Variants in AKAP1 observed in about 807,000 individuals in gnomAD.
The protein encoded by AKAP1 is A-kinase anchor protein 1, mitochondrial.
Under a neutral mutation model 79.8 loss-of-function variants are expected in AKAP1, and 32 were observed. The observed-to-expected ratio is 0.40, with a 90% CI of 0.30 to 0.54. The LOEUF is 0.54. AKAP1 is among the 20% of genes least tolerant of loss of function. The probability of loss-of-function intolerance (pLI) is 0.47; values close to 1 mark genes in which losing one functional copy is unlikely to be tolerated. For synonymous variants in AKAP1, 416 were observed against 466.7 expected, an observed-to-expected ratio of 0.89 and a Z score of 1.40; for missense variants, 961 against 1,138.9, an observed-to-expected ratio of 0.84 and a Z score of 2.25.
intron 1 of AKAP1, chr17:57,095,605 G>A (rs766029289): frequency 2.0e-5 from 3 of 151,470 alleles, no homozygotes; most frequent in African/African-American, 7.3e-5. Context: ...TTGTTGAATA[G>A]AAATTACCTT....
intron 2 of AKAP1, among the ~76,000 whole-genome samples, chr17:57,108,691 C>T (rs964845499): frequency 6.6e-6 from 1 of 152,092 alleles, no homozygotes; most frequent in African/African-American, 2.4e-5. Flanking sequence ...TTCATGTCAG[C>T]CCTGCTTTGT....
intron 1 of AKAP1, among the ~76,000 whole-genome samples, chr17:57,100,286 A>G (rs1471497162): frequency 6.6e-6 from 1 of 152,176 alleles, no homozygotes; most frequent in Admixed American, 6.5e-5. Flanking sequence ...AGGAATCACA[A>G]TCTAAATTTA....
At chr17:57,110,749 G>A (rs1277295865) in intron 3 of AKAP1, among the ~76,000 whole-genome samples, 1 of 152,166 alleles carries the variant, frequency 6.6e-6, no homozygotes, top group Non-Finnish European at 1.5e-5. Flanking sequence ...TAATTTTCGT[G>A]TGTTATTCTT....
At chr17:57,090,020 C>T (rs767357851) in intron 1 of AKAP1, among the ~76,000 whole-genome samples, 1 of 152,230 alleles carries the variant, frequency 6.6e-6, no homozygotes, top group Non-Finnish European at 1.5e-5. Context: ...TGCGGCCCTT[C>T]TCTTAAACGA....
At chr17:57,117,431 C>CT (rs553982947) in intron 8 of AKAP1, among the ~76,000 whole-genome samples, 19 of 152,170 alleles carry the variant, frequency 1.2e-4, no homozygotes, top group Non-Finnish European at 2.4e-4. Context: ...TTGATGCTGG[C>CT]TGTGAGAATT....
intron 3 of AKAP1, 68 bp downstream of exon 3, chr17:57,110,226 A>C: frequency 6.3e-7 from 1 of 1,580,350 alleles, no homozygotes; most frequent in Non-Finnish European, 8.6e-7. Context: ...GGGCCATTAG[A>C]CCTCAGGGAG....
At chr17:57,096,064 G>A (rs1047399366) in intron 1 of AKAP1, 9 of 152,310 alleles carry the variant, frequency 5.9e-5, no homozygotes, top group East Asian at 1.9e-4. Flanking sequence ...TTTCCTTCAC[G>A]AAAAGAGGCA....
chr17:57,113,049 C>G (rs1372480832), intron 5 of AKAP1, among the ~76,000 whole-genome samples: 1 of 152,214 alleles, frequency 6.6e-6, no homozygotes, highest in East Asian at 1.9e-4. Flanking sequence ...AACAGTGGCC[C>G]TGGTGAAGGA....
chr17:57,116,106 T>C lies in AKAP1; in HGVS notation c.2282-5T>C. The C allele has an allele frequency of 6.2e-7, 1 of 1,611,960 alleles. No individual in the cohort carries two copies. Among genetic ancestry groups the C allele is most frequent in the African/African-American group, 1.3e-5 (1 of 75,054 alleles). On this transcript the variant is annotated splice_region_variant and splice_polypyrimidine_tract_variant and intron_variant, in intron 6 of 10. Coordinates refer to ENST00000337714, the MANE Select transcript of AKAP1 (RefSeq NM_003488.4). ...GTTCCACGCACTCTGCTCCCTACCC[T>C]GCAGTAACGGTCATCTGTGCCGCCC...
At position 57,107,164 on chromosome 17, in the gene AKAP1, C is replaced by T; in HGVS notation, c.1700C>T (p.Ala567Val). 2 of 1,605,276 alleles carry T rather than the reference C, an allele frequency of 1.2e-6. No homozygotes were observed. Among genetic ancestry groups the T allele is most frequent in the Non-Finnish European group, 8.5e-7 (1 of 1,173,748 alleles). Residue 567 changes from alanine to valine, a missense_variant, in exon 2 of 11, where the codon GCA becomes GTA. Coordinates refer to ENST00000337714, the MANE Select transcript of AKAP1 (RefSeq NM_003488.4). The part of the protein sequence containing the change: ...AEDGWTMDAE[A>V]DHSGGSDRNS... ...GATGGATGGACCATGGATGCGGAAGCAGATCATTCAGGAGGTAGGAGGGTC... is the reference window on the plus strand; with the variant it reads ...GATGGATGGACCATGGATGCGGAAGTAGATCATTCAGGAGGTAGGAGGGTC...
chr17:57,107,948 G>A, intron 2 of AKAP1: 1 of 1,289,614 alleles, frequency 7.8e-7, no homozygotes, highest in Non-Finnish European at 1.0e-6. Context: ...CTGTGCAGTT[G>A]CAGCTCCACC....
Position 57,114,607 on chromosome 17 carries a change from G to T in AKAP1, c.2252G>T (p.Gly751Val), listed in dbSNP as rs367621057. The T allele has an allele frequency of 1.3e-5, 21 of 1,614,114 alleles. No homozygotes were observed. The highest frequency in any genetic ancestry group is 1.6e-5 in the Non-Finnish European group (19 of 1,180,020). The change falls in exon 6 of 11, where the codon GGA (glycine) becomes GTA (valine). Residue 751 changes from glycine (G) to valine (V), a missense_variant. Coordinates refer to ENST00000337714, the MANE Select transcript of AKAP1 (RefSeq NM_003488.4). ...QQMYLCYSQP[G>V]IPTLPTPVEI... is the part of the protein sequence containing the mutation. ...ATGTACCTCTGTTACTCTCAGCCTG[G>T]AATCCCCACCTTGCCCACCCCAGTG...
intron 1 of AKAP1, among the ~76,000 whole-genome samples, chr17:57,088,092 C>T (rs1913570059): frequency 6.6e-6 from 1 of 152,220 alleles, no homozygotes; most frequent in African/African-American, 2.4e-5. Flanking sequence ...GAAATCATCT[C>T]ATATACTGTT....
chr17:57,097,914 G>A (rs369933169), intron 1 of AKAP1, among the ~76,000 whole-genome samples: 6 of 152,222 alleles, frequency 3.9e-5, no homozygotes, highest in Non-Finnish European at 5.9e-5. Context: ...AGTTACATGC[G>A]GCTCTTTTTG....
intron 5 of AKAP1, among the ~76,000 whole-genome samples, chr17:57,112,899 C>T (rs1052550365): frequency 2.6e-5 from 4 of 152,114 alleles, no homozygotes; most frequent in Admixed American, 2.0e-4. Context: ...GTTTTCTAGG[C>T]GTTTGCTTAG....
intron 1 of AKAP1, among the ~76,000 whole-genome samples, chr17:57,091,845 T>A (rs1287606977): frequency 6.6e-6 from 1 of 151,986 alleles, no homozygotes; most frequent in Non-Finnish European, 1.5e-5. Context: ...CACATCATGA[T>A]GCCTGGCTAG....
intron 1 of AKAP1, chr17:57,098,561 G>A (rs1914266713): frequency 6.6e-6 from 1 of 152,174 alleles, no homozygotes; most frequent in African/African-American, 2.4e-5. Flanking sequence ...GAAGAGCCTT[G>A]TAAGGCTAAA....
chr17:57,098,374 C>T (rs1004420808), intron 1 of AKAP1: 1 of 152,298 alleles, frequency 6.6e-6, no homozygotes, highest in Admixed American at 6.5e-5. Context: ...ACAGGTCTGC[C>T]CTTAGTCCTG....
At chr17:57,110,399 T>C (rs1915168512) in intron 3 of AKAP1, among the ~76,000 whole-genome samples, 1 of 152,178 alleles carries the variant, frequency 6.6e-6, no homozygotes, top group Admixed American at 6.5e-5. Context: ...CTTCTCAAAC[T>C]CGCAGGCCTG....
Sources: allele counts gnomAD v4.1 joint callset (sites outside exome capture counted in the v4.1 genomes callset), GRCh38; gene constraint gnomAD v4.1.1; transcripts MANE v1.5; gene names NCBI Gene and HGNC (gene_info 2026-07-23, HGNC 2026-07-21).